The following WDR19 variants were observed in gnomAD, a reference collection of about 807,000 sequenced individuals.
WDR19 encodes WD repeat domain 19.
A neutral mutation model predicts 180.0 loss-of-function variants in WDR19; 121 were observed. The observed-to-expected ratio is 0.67, with a 90% confidence interval of 0.58 to 0.78. The LOEUF (loss-of-function observed/expected upper bound fraction) is 0.78. Ranked by LOEUF, WDR19 falls within the 30% of genes least tolerant of loss-of-function variation. WDR19 has a pLI of 0.00. For missense variants in WDR19, 1,450 were observed against 1,640.7 expected (o/e 0.88, Z 2.01); for synonymous variants, 497 against 540.7 (o/e 0.92, Z 1.12).
chr4:39,281,952 A>T (rs928504786), intron 36 of WDR19, among the ~76,000 whole-genome samples: 4 of 152,112 alleles, frequency 2.6e-5, no homozygotes, highest in Admixed American at 6.6e-5. Flanking sequence ...CCTCCCCACA[A>T]CATGAAACTG....
intron 5 of WDR19, among the ~76,000 whole-genome samples, chr4:39,195,372 A>G (rs1726625731): frequency 7.6e-6 from 1 of 131,044 alleles, no homozygotes. Flanking sequence ...ATCTCAAAAA[A>G]AAAAAACAAA....
intron 17 of WDR19, among the ~76,000 whole-genome samples, chr4:39,231,188 G>A (rs755061986): frequency 9.9e-5 from 15 of 152,116 alleles, no homozygotes; most frequent in Non-Finnish European, 2.1e-4. Flanking sequence ...GCATGCGCCT[G>A]TAGTCCCAGC....
intron 28 of WDR19, among the ~76,000 whole-genome samples, chr4:39,263,866 G>A (rs1486678099): frequency 2.6e-5 from 4 of 151,088 alleles, no homozygotes; most frequent in Admixed American, 2.6e-4. Flanking sequence ...GGAGGTTGCG[G>A]TGAGCCAAGA....
intron 28 of WDR19, 130 bp from the exon 29 acceptor site, chr4:39,265,933 T>A (rs879774853): frequency 7.1e-6 from 5 of 701,718 alleles, no homozygotes; most frequent in Non-Finnish European, 1.2e-5. Flanking sequence ...TATGTCATAT[T>A]TCAGGCACTT....
Position 39,274,949 on chromosome 4 carries a change from G to T in WDR19, c.3707G>T (p.Gly1236Val). Residue 1236 changes from glycine (G) to valine (V), a missense_variant, in exon 33 of 37, where the codon GGA becomes GTA. Gly to Val is a moderately radical substitution (Grantham distance 109). Coordinates refer to ENST00000399820, the MANE Select transcript of WDR19 (RefSeq NM_025132.4). ...IDAKYKKKIE[G>V]MVRRPDISEI... is the part of the protein sequence containing the mutation. ...GCCAAATACAAAAAGAAGATCGAGG[G>T]AATGGTCAGGTAGGCAGAGATGGCT... The T allele has an allele frequency of 6.2e-7, 1 of 1,613,986 alleles. No individual in the cohort carries two copies. The highest frequency in any genetic ancestry group is 8.5e-7 in the Non-Finnish European group (1 of 1,179,874).
Position 39,268,013 on chromosome 4 carries a change from C to G in WDR19, c.3280C>G (p.Arg1094Gly). The G allele has an allele frequency of 6.2e-7, 1 of 1,604,454 alleles. No individual in the cohort carries two copies. Among genetic ancestry groups the G allele is most frequent in the Non-Finnish European group, 8.5e-7 (1 of 1,175,406 alleles). The change falls in exon 30 of 37, where the codon CGC (arginine) becomes GGC (glycine). Residue 1094 changes from arginine (R) to glycine (G), a missense_variant. Transcript: ENST00000399820. ...GTGTCAGGATGCCAAGTACCTGTTC[C>G]GCTTGTACATGGCTCTGAAGCAATA... ...GMPKDAKYLF[R>G]LYMALKQYRE...
chr4:39,260,167 A>T (rs1393866568), intron 28 of WDR19, among the ~76,000 whole-genome samples: 2 of 151,956 alleles, frequency 1.3e-5, no homozygotes, highest in Admixed American at 6.6e-5. Flanking sequence ...TGACATTTTG[A>T]TTTAGCTAAT....
At chr4:39,280,803 C>T (rs1237778311) in intron 36 of WDR19, among the ~76,000 whole-genome samples, 1 of 152,076 alleles carries the variant, frequency 6.6e-6, no homozygotes, top group Non-Finnish European at 1.5e-5. Context: ...AAAAACAGTG[C>T]CTACTCCAAG....
intron 24 of WDR19, among the ~76,000 whole-genome samples, 196 bp downstream of exon 24, chr4:39,245,648 T>G (rs973216600): frequency 2.6e-5 from 4 of 152,252 alleles, no homozygotes; most frequent in Admixed American, 6.5e-5. Context: ...TTCCTTTACA[T>G]ACTCAAATAT....
chr4:39,219,763 A>G (rs1256451705), intron 14 of WDR19, among the ~76,000 whole-genome samples: 2 of 152,182 alleles, frequency 1.3e-5, no homozygotes, highest in Non-Finnish European at 2.9e-5. Flanking sequence ...AACCATGGGT[A>G]CCCTAAATCT....
At chr4:39,256,513 G>T (rs1460645475) in intron 27 of WDR19, among the ~76,000 whole-genome samples, 1 of 152,212 alleles carries the variant, frequency 6.6e-6, no homozygotes, top group African/African-American at 2.4e-5. Flanking sequence ...TGTAGTGCCA[G>T]ATCATACGAT....
chr4:39,217,753 A>G (rs889310129), intron 13 of WDR19, among the ~76,000 whole-genome samples: 7 of 152,178 alleles, frequency 4.6e-5, no homozygotes, highest in Non-Finnish European at 1.0e-4. Context: ...GAGATTAACA[A>G]TTAAATAGCT....
chr4:39,264,573 G>A (rs1182579404), intron 28 of WDR19, among the ~76,000 whole-genome samples: 4 of 152,120 alleles, frequency 2.6e-5, no homozygotes, highest in African/African-American at 7.2e-5. Context: ...TACCTCCCCT[G>A]AGGTGTAGCA....
intron 34 of WDR19, 83 bp from the exon 35 acceptor site, chr4:39,278,048 C>T (rs1472356367): frequency 1.9e-5 from 21 of 1,103,488 alleles, no homozygotes; most frequent in Non-Finnish European, 2.4e-5. Context: ...GGCAAGATTC[C>T]GTCAAAAAAA....
chr4:39,278,355 C>T (rs745636735), intron 35 of WDR19, 148 bp downstream of exon 35: 86 of 871,338 alleles, frequency 9.9e-5, no homozygotes, highest in Non-Finnish European at 1.3e-4. Context: ...CCTCCTGTGA[C>T]CTTTGAGAAT....
intron 20 of WDR19, among the ~76,000 whole-genome samples, chr4:39,238,827 G>A (rs192459891): frequency 1.3e-5 from 2 of 152,322 alleles, no homozygotes; most frequent in East Asian, 3.9e-4. Context: ...TCCTGGAGAA[G>A]ATGGTTTCTT....
chr4:39,256,869 T>C (rs1356230851), intron 27 of WDR19, among the ~76,000 whole-genome samples: 4 of 152,160 alleles, frequency 2.6e-5, no homozygotes, highest in African/African-American at 7.2e-5. Context: ...CTATTTGTCC[T>C]TCAAGTGACA....
At chr4:39,207,870 C>T (rs143900484) in intron 9 of WDR19, among the ~76,000 whole-genome samples, 1 of 151,714 alleles carries the variant, frequency 6.6e-6, no homozygotes, top group African/African-American at 2.4e-5. Context: ...AGATCTTTAA[C>T]GTATATGTGA....
At chr4:39,228,453 T>C (rs1730511160) in intron 16 of WDR19, 33 bp from the exon 17 acceptor site, 1 of 1,610,404 alleles carries the variant, frequency 6.2e-7, no homozygotes, top group Non-Finnish European at 8.5e-7. Context: ...GAGTATTAGC[T>C]TTCAGCATTG....
Sources: allele counts gnomAD v4.1 joint callset (sites outside exome capture counted in the v4.1 genomes callset), GRCh38; gene constraint gnomAD v4.1.1; transcripts MANE v1.5; gene names NCBI Gene and HGNC (gene_info 2026-07-23, HGNC 2026-07-21).